Variants in SLX9 observed in about 807,000 individuals in gnomAD.
SLX9 encodes SLX9 ribosome biogenesis factor, also known as ribosome biogenesis protein SLX9 homolog.
A neutral mutation model predicts 20.8 loss-of-function variants in SLX9; 19 were observed. The ratio of observed to expected loss-of-function variants is 0.91; its 90% CI spans 0.64 to 1.34. The LOEUF (loss-of-function observed/expected upper bound fraction) is 1.34, where lower values mean the gene tolerates loss of function less well. Among genes scored for constraint, SLX9 ranks in the 40% most tolerant of loss-of-function variants. The pLI is 0.00. For synonymous variants in SLX9, 113 were observed against 137.1 expected (o/e 0.82, Z 1.23); for missense variants, 299 against 322.2 (o/e 0.93, Z 0.55).
chr21:44,955,230 G>A (rs115835977), intron 2 of SLX9, among the ~76,000 whole-genome samples: 1,683 of 146,352 alleles, frequency 0.011, 27 homozygotes, highest in African/African-American at 0.041. Flanking sequence ...AAAGAAGTAA[G>A]AAAGCTTGGA....
At chr21:44,945,775 A>AT (rs1250396092) in intron 2 of SLX9, among the ~76,000 whole-genome samples, 1 of 152,118 alleles carries the variant, frequency 6.6e-6, no homozygotes, top group Non-Finnish European at 1.5e-5. Flanking sequence ...CAGTGGCTTG[A>AT]TCTTGGCTCA....
intron 3 of SLX9, among the ~76,000 whole-genome samples, chr21:44,962,890 A>AT (rs1473188860): frequency 6.6e-6 from 1 of 151,908 alleles, no homozygotes; most frequent in Non-Finnish European, 1.5e-5. Context: ...GGTGGTACTC[A>AT]TTTCCGTTGC....
At chr21:44,976,577 C>G in intron 5 of SLX9, 103 bp from the exon 6 acceptor site, 18 of 1,494,086 alleles carry the variant, frequency 1.2e-5, no homozygotes, top group Non-Finnish European at 1.6e-5. Context: ...CGTGGTGGCC[C>G]CAGGCCTCTG....
At chr21:44,941,443 G>A (rs2084546045) in intron 1 of SLX9, among the ~76,000 whole-genome samples, 1 of 151,520 alleles carries the variant, frequency 6.6e-6, no homozygotes, top group South Asian at 2.1e-4. Flanking sequence ...AGCCTCTGAT[G>A]TGCCCCCTTG....
In SLX9 at chr21:44,966,291, G is replaced by A. The variant is rs184437896; in HGVS notation, c.353-743G>A. Among the ~76,000 whole-genome samples the A allele has an allele frequency of 3.1e-3, 468 of 152,184 alleles. 7 individuals are homozygous for A. The highest frequency in any genetic ancestry group is 0.01 in the African/African-American group (427 of 41,520). On this transcript the variant is annotated intron_variant, in intron 3 of 5. Transcript: ENST00000291634. ...CTGGGCATTCCCCCCAGGGGGCACA[G>A]GTCTGCCATGCCCGGGCCTGTGTCA...
intron 2 of SLX9, among the ~76,000 whole-genome samples, chr21:44,953,080 T>C (rs1486243391): frequency 6.6e-6 from 1 of 152,152 alleles, no homozygotes; most frequent in Non-Finnish European, 1.5e-5. Flanking sequence ...CCCCTTGGCA[T>C]CCCACCTGGT....
chr21:44,941,358 CTGCTTGA>C (rs59635568), intron 1 of SLX9, among the ~76,000 whole-genome samples: 9,406 of 152,006 alleles, frequency 0.062, 967 homozygotes, highest in African/African-American at 0.21. Context: ...GGATTAGTAT[CTGCTTGA>C]TTACTTTGTT....
At chr21:44,951,771 G>A (rs1371812960) in intron 2 of SLX9, among the ~76,000 whole-genome samples, 4 of 152,160 alleles carry the variant, frequency 2.6e-5, no homozygotes, top group African/African-American at 9.6e-5. Flanking sequence ...CCTGCTGCAC[G>A]TGCCAATCAC....
Position 44,940,033 on chromosome 21 carries a change from A to C in SLX9, c.-25A>C. ...GACCAGCTTCCGGGAGGCGCTCCGCACGTTTGCCGTGCTCCGCCGGGAAGA... is the reference window on the plus strand; with the variant it reads ...GACCAGCTTCCGGGAGGCGCTCCGCCCGTTTGCCGTGCTCCGCCGGGAAGA... On this transcript the variant is annotated 5_prime_UTR_variant, in exon 1 of 6. Coordinates refer to ENST00000291634, the MANE Select transcript of SLX9 (RefSeq NM_058190.4). The C allele has an allele frequency of 7.1e-7, 1 of 1,409,178 alleles. No homozygotes were observed. The highest frequency in any genetic ancestry group is 9.2e-7 in the Non-Finnish European group (1 of 1,082,748). 87.3% of individuals were successfully genotyped at this position (1,409,178 alleles called of 1,614,324 possible).
At position 44,967,592 on chromosome 21, in the gene SLX9, G is replaced by A. The variant is rs146674502; in HGVS notation, c.500+411G>A. Among the ~76,000 whole-genome samples, 762 of 152,226 alleles carry A rather than the reference G, an allele frequency of 5.0e-3. 4 individuals are homozygous for A. Among genetic ancestry groups the A allele is most frequent in the South Asian group, 8.9e-3 (43 of 4,826 alleles). On this transcript the variant is annotated intron_variant, in intron 4 of 5. Coordinates refer to ENST00000291634, the MANE Select transcript of SLX9 (RefSeq NM_058190.4). ...CCTGAGCATCCACCATGCTCTTCTC[G>A]TGCCTCTGACAGGGGCTGCAGTCTC...
At chr21:44,944,100 C>A (rs1474789991) in intron 2 of SLX9, among the ~76,000 whole-genome samples, 1 of 152,246 alleles carries the variant, frequency 6.6e-6, no homozygotes, top group Non-Finnish European at 1.5e-5. Flanking sequence ...GGAACTTGGG[C>A]TTTGGTGACC....
intron 1 of SLX9, among the ~76,000 whole-genome samples, chr21:44,942,472 C>G (rs1472967718): frequency 3.3e-5 from 5 of 152,302 alleles, no homozygotes; most frequent in African/African-American, 1.2e-4. Flanking sequence ...GGTGAGAGCA[C>G]CTGGGGAGTT....
At chr21:44,942,841 C>A (rs908137491) in intron 1 of SLX9, among the ~76,000 whole-genome samples, 1 of 152,140 alleles carries the variant, frequency 6.6e-6, no homozygotes, top group African/African-American at 2.4e-5. Flanking sequence ...GTGCTCTTGG[C>A]TCCTCTGATC....
chr21:44,969,269 C>T, intron 4 of SLX9: 1 of 460,600 alleles, frequency 2.2e-6, no homozygotes, highest in Non-Finnish European at 4.5e-6. Flanking sequence ...ATAGGAGCGG[C>T]CGCCCGGAGT....
intron 5 of SLX9, among the ~76,000 whole-genome samples, chr21:44,974,831 C>G (rs978204729): frequency 1.3e-5 from 2 of 152,234 alleles, no homozygotes; most frequent in African/African-American, 4.8e-5. Context: ...TGGCCATCGT[C>G]CTGCCTGGCC....
At chr21:44,963,785 AAACCAG>A (rs2084987246) in intron 3 of SLX9, among the ~76,000 whole-genome samples, 1 of 152,216 alleles carries the variant, frequency 6.6e-6, no homozygotes, top group Admixed American at 6.5e-5. Flanking sequence ...ACCTTAGCAA[AAACCAG>A]ACTGTCTTGA....
intron 3 of SLX9, among the ~76,000 whole-genome samples, chr21:44,962,664 G>A (rs1034489458): frequency 3.3e-5 from 5 of 152,078 alleles, no homozygotes; most frequent in South Asian, 2.1e-4. Context: ...ACATGTTTTC[G>A]TTTCTCTTGG....
intron 4 of SLX9, 31 bp from the exon 5 acceptor site, chr21:44,973,166 G>A (rs766827403): frequency 1.2e-6 from 2 of 1,612,780 alleles, no homozygotes; most frequent in South Asian, 2.2e-5. Flanking sequence ...GATGCTGGAT[G>A]CTGACTCACG....
At position 44,943,691 on chromosome 21, in the gene SLX9, C is replaced by T. The variant is rs367559441; in HGVS notation, c.137C>T (p.Ala46Val). The change falls in exon 2 of 6, where the codon GCG becomes GTG. Residue 46 changes from alanine (A) to valine (V), a missense_variant. Ala to Val is a moderately conservative substitution (Grantham distance 64). Coordinates refer to ENST00000291634, the MANE Select transcript of SLX9 (RefSeq NM_058190.4). ...TTTTGTTGGGGACATTAGGACTGGGCGTTCATCAACACCAACATCTTTGCC... is the reference window on the plus strand; with the variant it reads ...TTTTGTTGGGGACATTAGGACTGGGTGTTCATCAACACCAACATCTTTGCC... ...PPASAAGKDW[A>V]FINTNIFART... 14 of 1,613,906 alleles carry T rather than the reference C, an allele frequency of 8.7e-6. No individual in the cohort carries two copies. The highest frequency in any genetic ancestry group is 8.3e-5 in the Admixed American group (5 of 59,998).
Sources: gnomAD v4.1 joint callset for allele counts (sites outside exome capture counted in the v4.1 genomes callset) on GRCh38, gnomAD v4.1.1 for gene constraint, MANE v1.5 for transcripts, NCBI Gene and HGNC (gene_info 2026-07-23, HGNC 2026-07-21) for gene names.